Variants in IMPA1 observed in about 807,000 individuals in gnomAD.
The protein encoded by IMPA1 is inositol monophosphatase 1.
IMPA1 carries 21 observed loss-of-function variants against 34.9 expected under a neutral mutation model. That is an observed-to-expected ratio of 0.60 (90% CI 0.43 to 0.87). The LOEUF is 0.87. Ranked by LOEUF, IMPA1 falls within the 40% of genes least tolerant of loss-of-function variation. IMPA1 has a pLI of 0.00. For synonymous variants in IMPA1, 95 were observed against 104.4 expected (o/e 0.91, Z 0.55); for missense variants, 299 against 336.4 (o/e 0.89, Z 0.87).
chr8:81,678,329 G>C (rs1807187599), intron 4 of IMPA1, among the ~76,000 whole-genome samples: 1 of 152,082 alleles, frequency 6.6e-6, no homozygotes, highest in Non-Finnish European at 1.5e-5. Flanking sequence ...GACTTCATTA[G>C]TTTTACTAAA....
At chr8:81,681,441 A>G (rs769910965) in intron 2 of IMPA1, 57 bp downstream of exon 2, 19 of 959,080 alleles carry the variant, frequency 2.0e-5, no homozygotes, top group Non-Finnish European at 3.0e-5. Flanking sequence ...GCAACAACAC[A>G]GTATACCCAC....
chr8:81,659,377 G>A lies in IMPA1; in HGVS notation c.808C>T (p.Pro270Ser), dbSNP rs1277601001. 2 of 1,607,304 alleles carry A rather than the reference G, an allele frequency of 1.2e-6. No individual in the cohort carries two copies. The highest frequency in any genetic ancestry group is 1.7e-4 in the Middle Eastern group (1 of 6,042). The change falls in exon 9 of 9, where the codon CCT becomes TCT. Residue 270 changes from proline (P) to serine (S), a missense_variant. Physicochemically the swap from Pro to Ser is moderately conservative, Grantham distance 74 (BLOSUM62 -1). Transcript: ENST00000256108. ...ERIAKEIQVI[P>S]LQRDDED The stretch of plus-strand genomic sequence containing the variant: ...TAATCTTCGTCGTCTCGTTGCAAAG[G>A]TATAACCTGAATTTCTTTAGCTATC...
At chr8:81,668,029 T>C (rs1806884049) in intron 7 of IMPA1, among the ~76,000 whole-genome samples, 1 of 152,032 alleles carries the variant, frequency 6.6e-6, no homozygotes, top group Non-Finnish European at 1.5e-5. Flanking sequence ...TTCACCGTGT[T>C]AGCCAGGATG....
chr8:81,664,792 C>T (rs1271170611), intron 7 of IMPA1, among the ~76,000 whole-genome samples: 1 of 151,554 alleles, frequency 6.6e-6, no homozygotes, highest in Non-Finnish European at 1.5e-5. Context: ...GCGTGCAGCA[C>T]ACCAGCATGG....
At chr8:81,684,584 TA>T (rs562927873) in intron 1 of IMPA1, among the ~76,000 whole-genome samples, 8 of 75,122 alleles carry the variant, frequency 1.1e-4, no homozygotes, top group African/African-American at 1.6e-4. Flanking sequence ...ATACTACACA[TA>T]AGTATCTTTA....
chr8:81,670,908 G>C (rs1806968903), intron 7 of IMPA1, 31 bp downstream of exon 7: 1 of 1,141,052 alleles, frequency 8.8e-7, no homozygotes, highest in East Asian at 2.6e-5. Context: ...CGTATACAAA[G>C]AGAGAGATAG....
intron 7 of IMPA1, among the ~76,000 whole-genome samples, chr8:81,665,674 A>G (rs1806800624): frequency 6.6e-6 from 1 of 152,198 alleles, no homozygotes; most frequent in African/African-American, 2.4e-5. Flanking sequence ...ATATCCTTTA[A>G]AAACTGTTAG....
intron 1 of IMPA1, among the ~76,000 whole-genome samples, chr8:81,684,114 TAC>T (rs1339982957): frequency 1.9e-4 from 27 of 139,712 alleles, no homozygotes; most frequent in South Asian, 2.2e-4. Flanking sequence ...TATATATATA[TAC>T]ACACACACAC....
chr8:81,676,525 C>T (rs1451361841), intron 4 of IMPA1, among the ~76,000 whole-genome samples: 2 of 152,134 alleles, frequency 1.3e-5, no homozygotes, highest in Non-Finnish European at 2.9e-5. Context: ...ACACAGGATG[C>T]TTCTATAGGC....
chr8:81,684,826 T>C lies in IMPA1; in HGVS notation c.-25+1426A>G, dbSNP rs369731315. 3.5e-4 allele frequency among the ~76,000 whole-genome samples: 49 copies of C among 141,612 alleles called. 1 individual carries two copies. The highest frequency in any genetic ancestry group is 1.1e-3 in the South Asian group (5 of 4,444). The allele number at this position is 141,612 out of a possible 152,430, so 92.9% of individuals were successfully genotyped here. On this transcript the variant is annotated intron_variant, in intron 1 of 8. Transcript: ENST00000256108. ...GATACTATGTGGAGTATATATACTATACATAGTATCTATGTGTAGTATATA... is the reference window on the plus strand; with the variant it reads ...GATACTATGTGGAGTATATATACTACACATAGTATCTATGTGTAGTATATA...
chr8:81,680,278 T>C (rs1361888621), intron 3 of IMPA1, among the ~76,000 whole-genome samples: 1 of 152,264 alleles, frequency 6.6e-6, no homozygotes, highest in Non-Finnish European at 1.5e-5. Context: ...CTTTGGAGAC[T>C]AGTTCACAAA....
chr8:81,657,621 A>G lies in IMPA1; in HGVS notation c.*1730T>C, dbSNP rs975257794. On this transcript the variant is annotated 3_prime_UTR_variant, in exon 9 of 9. Transcript: ENST00000256108. ...AAACAAAGCCTCTAAAAGTAGTTTG[A>G]ACTATTAACTTTAATAATGTAAATA... Among the ~76,000 whole-genome samples, 6 of 151,998 alleles carry G rather than the reference A, an allele frequency of 3.9e-5. No homozygotes were observed. The highest frequency in any genetic ancestry group is 8.8e-5 in the Non-Finnish European group (6 of 67,980).
rs79636176 is a variant in IMPA1 at position 81,674,136 on chromosome 8, T to C, written c.349-187A>G. 2.4e-4 allele frequency: 127 copies of C among 518,488 alleles called. 1 individual carries two copies. The highest frequency in any genetic ancestry group is 2.1e-3 in the African/African-American group (112 of 52,518). The allele number at this position is 518,488 out of a possible 1,614,324, so 32.1% of individuals were successfully genotyped here. ...AAGAGGTCACCAGAACTGATATCCTTGACTCTCCTCCCATCCAAGTCCAGA... is the reference window on the plus strand; with the variant it reads ...AAGAGGTCACCAGAACTGATATCCTCGACTCTCCTCCCATCCAAGTCCAGA... On this transcript the variant is annotated intron_variant, in intron 5 of 8. Coordinates refer to ENST00000256108, the MANE Select transcript of IMPA1 (RefSeq NM_005536.4).
rs536699176 is a variant in IMPA1, at chr8:81,686,134, C to G, written c.-25+118G>C. The G allele has an allele frequency of 4.8e-6, 4 of 826,920 alleles. No homozygotes were observed. In the South Asian group the frequency reaches 1.6e-4, roughly 33 times the overall value. 51.2% of individuals were successfully genotyped at this position (826,920 alleles called of 1,614,324 possible). ...GGGGTCACCCAGAGGCTGCCTCCAC[C>G]CTAGGCGCCGACCGCGCACGGCGCT... On this transcript the variant is annotated intron_variant, in intron 1 of 8. Transcript: ENST00000256108.
chr8:81,660,403 G>C, intron 8 of IMPA1, 113 bp downstream of exon 8: 1 of 808,040 alleles, frequency 1.2e-6, no homozygotes, highest in Non-Finnish European at 2.0e-6. Flanking sequence ...TATATAGCTT[G>C]TTTCTGCTTC....
At chr8:81,659,963 T>C (rs1806613391) in intron 8 of IMPA1, among the ~76,000 whole-genome samples, 2 of 151,984 alleles carry the variant, frequency 1.3e-5, no homozygotes, top group Admixed American at 1.3e-4. Context: ...ACTATCACCA[T>C]TGTCACCATT....
intron 1 of IMPA1, among the ~76,000 whole-genome samples, chr8:81,684,128 CAT>C (rs1807391112): frequency 2.6e-5 from 3 of 117,234 alleles, no homozygotes; most frequent in South Asian, 2.4e-4. Context: ...CACACACACA[CAT>C]ACACACATAC....
At position 81,676,318 on chromosome 8, in the gene IMPA1, C is replaced by G. The variant is rs190012477; in HGVS notation, c.303-39G>C. 2,971 of 997,350 alleles carry G rather than the reference C, an allele frequency of 3.0e-3. 4 individuals are homozygous for G. The highest frequency in any genetic ancestry group is 3.9e-3 in the Non-Finnish European group (2,683 of 679,836). 61.8% of individuals were successfully genotyped at this position (997,350 alleles called of 1,614,324 possible). A position where few individuals can be genotyped will look rare whatever the true frequency, so the allele number is the denominator to read the frequency against. On this transcript the variant is annotated intron_variant, in intron 4 of 8. Coordinates refer to ENST00000256108, the MANE Select transcript of IMPA1 (RefSeq NM_005536.4). ...AAAGGACAAAATACAAATTAACCAA[C>G]ATAGAACTTTTGTTAATAAAATTAA...
At chr8:81,659,562 T>G in intron 8 of IMPA1, 96 bp from the exon 9 acceptor site, 1 of 686,882 alleles carries the variant, frequency 1.5e-6, no homozygotes, top group South Asian at 1.7e-5. Flanking sequence ...ACATAACATT[T>G]TAATACTTTC....
Sources: gnomAD v4.1 joint callset for allele counts (sites outside exome capture counted in the v4.1 genomes callset) on GRCh38, gnomAD v4.1.1 for gene constraint, MANE v1.5 for transcripts, NCBI Gene and HGNC (gene_info 2026-07-23, HGNC 2026-07-21) for gene names.